The following EDIL3 variants were observed in gnomAD, a reference collection of about 807,000 sequenced individuals.
EDIL3 encodes EGF like and discoidin domains 3.
A neutral mutation model predicts 67.4 loss-of-function variants in EDIL3; 37 were observed. The ratio of observed to expected loss-of-function variants is 0.55; its 90% CI spans 0.42 to 0.72. EDIL3 has a LOEUF of 0.72. Among genes scored for constraint, EDIL3 ranks in the 30% least tolerant of loss-of-function variants. The pLI, the probability that EDIL3 is intolerant of heterozygous loss-of-function variation, is 0.00. For missense variants in EDIL3, 527 were observed against 586.3 expected (o/e 0.90, Z 1.04); for synonymous variants, 195 against 196.3 (o/e 0.99, Z 0.05).
In EDIL3 at chr5:83,943,517, G is replaced by A. The variant is rs1452616705; in HGVS notation, c.1345C>T (p.Pro449Ser). ...CTTATGTGTCGTGCATAGATGGGAG[G>A]GTCGATGACATTTTTTCTGTGAGTG... ...NDTHRKNVID[P>S]PIYARHIRIL... is the part of the protein sequence containing the mutation. Residue 449 changes from proline to serine, a missense_variant, in exon 11 of 11, where the codon CCT (proline) becomes TCT (serine). Physicochemically the swap from Pro to Ser is moderately conservative, Grantham distance 74 (BLOSUM62 -1). Around this residue, in one of 2 missense-constraint regions of EDIL3, gnomAD observed 33 missense variants for 63.7 expected, o/e 0.52. Transcript: ENST00000296591. The A allele has an allele frequency of 6.2e-7, 1 of 1,612,408 alleles. No individual in the cohort carries two copies. Among genetic ancestry groups the A allele is most frequent in the African/African-American group, 1.3e-5 (1 of 74,756 alleles).
chr5:84,298,822 GGGTGCCACCA>G (rs1746099827), intron 1 of EDIL3, among the ~76,000 whole-genome samples: 1 of 152,042 alleles, frequency 6.6e-6, no homozygotes, highest in African/African-American at 2.4e-5. Context: ...CTGTTCCCTT[GGGTGCCACCA>G]TCCACAGGGT....
At chr5:84,076,810 G>A (rs1378092642) in intron 6 of EDIL3, among the ~76,000 whole-genome samples, 1 of 152,128 alleles carries the variant, frequency 6.6e-6, no homozygotes, top group Admixed American at 6.5e-5. Context: ...ACCCAGGTAT[G>A]AATAACTATA....
At chr5:84,197,734 T>A (rs561427764) in intron 3 of EDIL3, among the ~76,000 whole-genome samples, 40 of 151,580 alleles carry the variant, frequency 2.6e-4, no homozygotes, top group Non-Finnish European at 4.4e-4. Context: ...TGCAATATAA[T>A]TGCATCATGA....
chr5:84,125,304 T>A (rs1747848095), intron 5 of EDIL3, among the ~76,000 whole-genome samples: 1 of 152,060 alleles, frequency 6.6e-6, no homozygotes, highest in Admixed American at 6.6e-5. Context: ...ATGTGTCAAT[T>A]ATTTTGATGT....
At chr5:83,977,934 A>T (rs1304953381) in intron 9 of EDIL3, among the ~76,000 whole-genome samples, 1 of 151,850 alleles carries the variant, frequency 6.6e-6, no homozygotes, top group Non-Finnish European at 1.5e-5. Flanking sequence ...TGCAGGGTGA[A>T]ATTCTGGAAG....
intron 9 of EDIL3, among the ~76,000 whole-genome samples, chr5:84,033,704 T>TAAA (rs71605889): frequency 0.2 from 18,104 of 92,180 alleles, 1,688 homozygotes; most frequent in Non-Finnish European, 0.24. Flanking sequence ...ACATTGTCTC[T>TAAA]AAAAAAAAAA....
chr5:84,239,079 C>T (rs569675710), intron 2 of EDIL3, among the ~76,000 whole-genome samples: 1 of 152,194 alleles, frequency 6.6e-6, no homozygotes, highest in South Asian at 2.1e-4. Context: ...TATCTCTCTC[C>T]CAGAGCTCAC....
At chr5:84,305,926 G>A (rs188905167) in intron 1 of EDIL3, among the ~76,000 whole-genome samples, 51 of 150,688 alleles carry the variant, frequency 3.4e-4, no homozygotes, top group African/African-American at 1.2e-3. Context: ...TAAATAGATA[G>A]ATAAATAAAT....
chr5:84,095,686 A>G (rs535216407), intron 6 of EDIL3, among the ~76,000 whole-genome samples: 5 of 152,354 alleles, frequency 3.3e-5, no homozygotes, highest in African/African-American at 7.2e-5. Flanking sequence ...GAAGCAAAGC[A>G]TAAAAGTTTG....
chr5:84,192,044 CATT>C (rs1561458206), intron 3 of EDIL3, among the ~76,000 whole-genome samples: 1 of 151,996 alleles, frequency 6.6e-6, no homozygotes, highest in Non-Finnish European at 1.5e-5. Context: ...AGTAGTTACT[CATT>C]AGTCAAAATA....
chr5:84,094,820 G>A (rs953040211), intron 6 of EDIL3, among the ~76,000 whole-genome samples: 1 of 152,112 alleles, frequency 6.6e-6, no homozygotes, highest in African/African-American at 2.4e-5. Context: ...GAAGGTATAT[G>A]GTTTTGCATT....
intron 9 of EDIL3, among the ~76,000 whole-genome samples, chr5:84,027,709 G>GTGCTTATTATACAGGATAGTGCTTATTAT (rs1745841245): frequency 6.6e-6 from 1 of 152,070 alleles, no homozygotes; most frequent in Non-Finnish European, 1.5e-5. Flanking sequence ...ATACAGGATA[G>GTGCTTATTATACAGGATAGTGCTTATTAT]ACAGCAGGGA....
At chr5:84,093,782 C>A (rs1231227839) in intron 6 of EDIL3, among the ~76,000 whole-genome samples, 1 of 151,262 alleles carries the variant, frequency 6.6e-6, no homozygotes, top group Admixed American at 6.6e-5. Flanking sequence ...GCCTCAGCCT[C>A]CCAAGTAGCT....
intron 5 of EDIL3, among the ~76,000 whole-genome samples, chr5:84,123,379 G>T (rs1747812579): frequency 6.6e-6 from 1 of 151,926 alleles, no homozygotes; most frequent in Non-Finnish European, 1.5e-5. Context: ...TTTCATGTAT[G>T]TACACAACAA....
intron 10 of EDIL3, among the ~76,000 whole-genome samples, chr5:83,952,497 T>G (rs1580249481): frequency 6.6e-6 from 1 of 151,856 alleles, no homozygotes; most frequent in South Asian, 2.1e-4. Flanking sequence ...AAAGTAGAAT[T>G]GGGAAACCAT....
At chr5:84,082,060 T>C (rs1746980515) in intron 6 of EDIL3, among the ~76,000 whole-genome samples, 1 of 152,266 alleles carries the variant, frequency 6.6e-6, no homozygotes. Context: ...CCATCCAGCA[T>C]GGCAAAAGGT....
intron 5 of EDIL3, among the ~76,000 whole-genome samples, chr5:84,122,529 A>G (rs1747794808): frequency 6.6e-6 from 1 of 151,798 alleles, no homozygotes. Flanking sequence ...TTTATTTCCA[A>G]TTGTAATTGA....
At chr5:84,307,127 A>G (rs958216625) in intron 1 of EDIL3, among the ~76,000 whole-genome samples, 1 of 151,900 alleles carries the variant, frequency 6.6e-6, no homozygotes, top group Admixed American at 6.6e-5. Context: ...CAGAAACGCA[A>G]GTGCACATCT....
chr5:83,992,393 G>A (rs538466821), intron 9 of EDIL3, among the ~76,000 whole-genome samples: 5 of 152,218 alleles, frequency 3.3e-5, no homozygotes, highest in Admixed American at 2.0e-4. Context: ...ATGGATCTTT[G>A]TAACTAAAAC....
Sources: gnomAD v4.1 joint callset for allele counts (sites outside exome capture counted in the v4.1 genomes callset) on GRCh38, gnomAD v4.1.1 for gene constraint, gnomAD v4.1.1 regional missense constraint, MANE v1.5 for transcripts, NCBI Gene and HGNC (gene_info 2026-07-23, HGNC 2026-07-21) for gene names.